The following RNF213 variants were observed in gnomAD, a reference collection of about 807,000 sequenced individuals.
The protein encoded by RNF213 is ring finger protein 213, also known as E3 ubiquitin-protein ligase RNF213.
Under a neutral mutation model 514.4 loss-of-function variants are expected in RNF213, and 341 were observed. That is an observed-to-expected ratio of 0.66 (90% CI 0.61 to 0.73). The LOEUF (loss-of-function observed/expected upper bound fraction) is 0.73. Ranked by LOEUF, RNF213 falls within the 30% of genes least tolerant of loss-of-function variation. The pLI, the probability that RNF213 is intolerant of heterozygous loss-of-function variation, is 0.00. For missense variants in RNF213, 5,767 were observed against 6,615.6 expected (o/e 0.87, Z 4.45); for synonymous variants, 2,655 against 2,658.2 (o/e 1.00, Z 0.04).
intron 67 of RNF213, among the ~76,000 whole-genome samples, chr17:80,391,185 T>G (rs1391926958): frequency 1.3e-5 from 2 of 152,216 alleles, no homozygotes; most frequent in African/African-American, 4.8e-5. Context: ...AAATGGTATC[T>G]CATTTTCAGT....
At position 80,277,202 on chromosome 17, in the gene RNF213, C is replaced by T. The variant is rs75667133; in HGVS notation, c.261+3798C>T. ...TGATTCCTTTGATATGAAATATCCA[C>T]GATAGACTCACCCATGGAGACAGAA... On this transcript the variant is annotated intron_variant, in intron 3 of 67. Transcript: ENST00000582970. 4.6e-3 allele frequency among the ~76,000 whole-genome samples: 705 copies of T among 152,192 alleles called. 7 individuals carry two copies. The highest frequency in any genetic ancestry group is 0.016 in the African/African-American group (671 of 41,514).
chr17:80,359,995 A>G (rs1599125552), intron 37 of RNF213, 66 bp from the exon 38 acceptor site: 5 of 1,551,752 alleles, frequency 3.2e-6, no homozygotes, highest in Non-Finnish European at 8.9e-7. Context: ...TCAGTGGCAG[A>G]TCTTATCTTG....
At chr17:80,321,872 T>G (rs1427935036) in intron 17 of RNF213, among the ~76,000 whole-genome samples, 1 of 152,070 alleles carries the variant, frequency 6.6e-6, no homozygotes, top group Non-Finnish European at 1.5e-5. Context: ...ACTACAGGCA[T>G]GTGCCACCAT....
At position 80,345,562 on chromosome 17, in the gene RNF213, G is replaced by T. The variant is rs757944852; in HGVS notation, c.7227G>T (p.Arg2409=). 1 of 1,613,490 alleles carries T rather than the reference G, an allele frequency of 6.2e-7. No homozygotes were observed. Among genetic ancestry groups the T allele is most frequent in the East Asian group, 2.2e-5 (1 of 44,864 alleles). ...TTAAAATCCTTGCCATCGAGATGCG[G>T]TTCCGGTGTGGGATCCCGGTTATCA... is the stretch of plus-strand genomic sequence containing the variant. ...NMLKILAIEM[R]FRCGIPVIIM... Residue 2409 remains arginine, a synonymous_variant, in exon 29 of 68, where the codon CGG becomes CGT. Transcript: ENST00000582970. This position sits in a 1 kb window ranked among gnomAD's most constrained non-coding sequence, Gnocchi z 6.0.
At chr17:80,281,455 C>CACAT (rs2044276521) in intron 3 of RNF213, among the ~76,000 whole-genome samples, 1 of 90,984 alleles carries the variant, frequency 1.1e-5, no homozygotes, top group Non-Finnish European at 2.5e-5. Flanking sequence ...GCAACATACA[C>CACAT]CCCACTCACA....
At chr17:80,306,818 C>A (rs112208381) in intron 12 of RNF213, among the ~76,000 whole-genome samples, 261 of 149,726 alleles carry the variant, frequency 1.7e-3, no homozygotes, top group African/African-American at 6.0e-3. Flanking sequence ...CGCCGCTGCA[C>A]TCCAGCCTGG....
Position 80,290,474 on chromosome 17 carries a change from T to C in RNF213, c.1113-96T>C, listed in dbSNP as rs566479679. The C allele has an allele frequency of 1.3e-5, 19 of 1,430,518 alleles. 1 individual carries two copies. The Admixed American group carries it at 2.4e-4, about 18-fold the overall frequency. 88.6% of individuals were successfully genotyped at this position (1,430,518 alleles called of 1,614,324 possible). On this transcript the variant is annotated intron_variant, in intron 6 of 67. Transcript: ENST00000582970. ...GTGCGAGTGCATGTGTGTGTGCACG[T>C]GTGTGTGCGCACGTGTGTGTGTGCG... is the stretch of plus-strand genomic sequence containing the variant.
At chr17:80,319,759 CA>C in intron 17 of RNF213, 1 of 1,308,050 alleles carries the variant, frequency 7.6e-7, no homozygotes, top group Non-Finnish European at 9.8e-7. Context: ...CTCTTTTCGG[CA>C]AAGGGGAAGA....
intron 52 of RNF213, 95 bp from the exon 53 acceptor site, chr17:80,376,787 G>A (rs1701022587): frequency 8.4e-7 from 1 of 1,193,742 alleles, no homozygotes; most frequent in South Asian, 1.3e-5. Context: ...AAGGAAAGCA[G>A]AGTTCCCTTT....
chr17:80,287,786 A>G (rs1283507854), intron 3 of RNF213, 29 bp from the exon 4 acceptor site: 1 of 1,611,230 alleles, frequency 6.2e-7, no homozygotes, highest in Non-Finnish European at 8.5e-7. Flanking sequence ...AATCTAAGAA[A>G]TAAAGTGAGT....
intron 15 of RNF213, among the ~76,000 whole-genome samples, chr17:80,313,780 TGGTGGTGGTGAA>T (rs1332542225): frequency 1.4e-5 from 2 of 146,536 alleles, no homozygotes; most frequent in Non-Finnish European, 3.0e-5. Flanking sequence ...CTGGAGGTGA[TGGTGGTGGTGAA>T]GGTGATGGTG....
At position 80,371,967 on chromosome 17, in the gene RNF213, C is replaced by T. The variant is rs1436434776; in HGVS notation, c.12519C>T (p.Leu4173=). 9.5e-6 allele frequency: 15 copies of T among 1,580,156 alleles called. No individual in the cohort carries two copies. The African/African-American group carries it at 1.6e-4, about 17-fold the overall frequency. The change falls in exon 47 of 68, where the codon CTC becomes CTT. Residue 4173 remains leucine (L), a synonymous_variant. Coordinates refer to ENST00000582970, the MANE Select transcript of RNF213 (RefSeq NM_001256071.3). ...ITEDKTELYM[L]FINCLEDSIL... ...AAGATAAAACTGAACTGTACATGCT[C>T]TTCATCAACTGCCTGGAGGTAAGTG...
intron 17 of RNF213, among the ~76,000 whole-genome samples, chr17:80,324,187 T>C (rs956748457): frequency 2.0e-5 from 3 of 152,252 alleles, no homozygotes; most frequent in Non-Finnish European, 4.4e-5. Flanking sequence ...AGAGAAGGTT[T>C]CAGTCTTTTG....
chr17:80,335,836 G>T (rs1040354680), intron 22 of RNF213, among the ~76,000 whole-genome samples: 1 of 152,024 alleles, frequency 6.6e-6, no homozygotes, highest in African/African-American at 2.4e-5. Flanking sequence ...AATTAGCCAG[G>T]CGTGGTGGTG....
chr17:80,342,971 A>G (rs1218919734), intron 26 of RNF213, among the ~76,000 whole-genome samples, 161 bp from the exon 27 acceptor site: 1 of 151,280 alleles, frequency 6.6e-6, no homozygotes, highest in African/African-American at 2.4e-5. Flanking sequence ...ACGCCTGGCT[A>G]ATTTTTTTGT....
Position 80,388,719 on chromosome 17 carries a change from G to C in RNF213, c.15000+30G>C, listed in dbSNP as rs769116868. The C allele has an allele frequency of 5.4e-6, 8 of 1,493,446 alleles. No homozygotes were observed. In the African/African-American group the frequency reaches 9.6e-5, roughly 18 times the overall value. The allele number at this position is 1,493,446 out of a possible 1,614,324, so 92.5% of individuals were successfully genotyped here. A position where few individuals can be genotyped will look rare whatever the true frequency, so the allele number is the denominator to read the frequency against. On this transcript the variant is annotated intron_variant, in intron 64 of 67. Coordinates refer to ENST00000582970, the MANE Select transcript of RNF213 (RefSeq NM_001256071.3). ...TCCCGATAAACCTGATCCTGTGCACGGGGCTTTCTGCCTTCTCAGTGTGTT... is the reference window on the plus strand; with the variant it reads ...TCCCGATAAACCTGATCCTGTGCACCGGGCTTTCTGCCTTCTCAGTGTGTT...
At chr17:80,384,060 G>A in intron 59 of RNF213, 132 bp downstream of exon 59, 1 of 1,127,724 alleles carries the variant, frequency 8.9e-7, no homozygotes, top group Non-Finnish European at 1.3e-6. Flanking sequence ...TGAATAGGAT[G>A]TAGCAGAAGA....
At chr17:80,291,292 T>A (rs1384023056) in intron 7 of RNF213, among the ~76,000 whole-genome samples, 1 of 151,002 alleles carries the variant, frequency 6.6e-6, no homozygotes, top group Non-Finnish European at 1.5e-5. Context: ...AGAGGGGATC[T>A]TGCTCTGTTG....
At chr17:80,329,353 C>T (rs2046355828) in intron 20 of RNF213, among the ~76,000 whole-genome samples, 1 of 152,256 alleles carries the variant, frequency 6.6e-6, no homozygotes. Context: ...AAGTCATTTT[C>T]CTTCTGAAGT....
Sources: allele counts gnomAD v4.1 joint callset (sites outside exome capture counted in the v4.1 genomes callset), GRCh38; gene constraint gnomAD v4.1.1; non-coding constraint Gnocchi (gnomAD v3.1); transcripts MANE v1.5; gene names NCBI Gene and HGNC (gene_info 2026-07-23, HGNC 2026-07-21).